Variants in PECAM1 observed in about 807,000 individuals in gnomAD.
PECAM1 encodes the protein platelet and endothelial cell adhesion molecule 1.
In PECAM1, 8 loss-of-function variants were observed where a neutral mutation model predicts 13.8. That is an observed-to-expected ratio of 0.58 (90% CI 0.34 to 1.05). The LOEUF (loss-of-function observed/expected upper bound fraction) is 1.05. PECAM1 is among the 50% of genes least tolerant of loss of function. The probability of loss-of-function intolerance (pLI) is 0.03; values close to 1 mark genes in which losing one functional copy is unlikely to be tolerated. For synonymous variants in PECAM1, 136 were observed against 52.6 expected, an observed-to-expected ratio of 2.58 and a Z score of -6.86; for missense variants, 304 against 141.2, an observed-to-expected ratio of 2.15 and a Z score of -5.84.
intron 8 of PECAM1, among the ~76,000 whole-genome samples, chr17:64,355,293 CTCTTT>C (rs1483945877): frequency 5.3e-5 from 8 of 152,124 alleles, no homozygotes; most frequent in African/African-American, 9.7e-5. Flanking sequence ...CTGGGGTAGA[CTCTTT>C]TCTTTTTCTT....
intron 12 of PECAM1, 106 bp downstream of exon 12, chr17:64,350,274 G>T (rs1161963580): frequency 1.0e-5 from 4 of 394,696 alleles, no homozygotes; most frequent in Non-Finnish European, 1.4e-5. Flanking sequence ...CATTAAGAGA[G>T]GTGGGAAATT....
At chr17:64,360,072 C>T in intron 7 of PECAM1, 68 bp downstream of exon 7, 1 of 474,950 alleles carries the variant, frequency 2.1e-6, no homozygotes, top group East Asian at 3.1e-5. Context: ...CTTATTGTTC[C>T]CACAGTCCCT....
intron 2 of PECAM1, among the ~76,000 whole-genome samples, chr17:64,382,958 T>C: frequency 6.6e-6 from 1 of 152,258 alleles, no homozygotes; most frequent in Middle Eastern, 3.4e-3. Context: ...AAGAATCACT[T>C]GAACCTGGGA....
intron 13 of PECAM1, among the ~76,000 whole-genome samples, chr17:64,347,891 C>A (rs1003366990): frequency 1.3e-5 from 2 of 151,268 alleles, no homozygotes; most frequent in East Asian, 3.9e-4. Flanking sequence ...CCACCAGAGC[C>A]GGCTAATTTT....
At chr17:64,347,784 G>T (rs1206626559) in intron 13 of PECAM1, among the ~76,000 whole-genome samples, 1 of 148,196 alleles carries the variant, frequency 6.7e-6, no homozygotes, top group Non-Finnish European at 1.5e-5. Context: ...AGGCTGGAAT[G>T]CAGTGGCGCA....
chr17:64,369,013 C>G (rs1259608997), intron 5 of PECAM1, among the ~76,000 whole-genome samples: 1 of 143,854 alleles, frequency 7.0e-6, no homozygotes, highest in African/African-American at 2.6e-5. Flanking sequence ...CTCAGCTCAC[C>G]GCAGCCTCTG....
chr17:64,368,522 T>C (rs994460822), intron 5 of PECAM1, among the ~76,000 whole-genome samples: 7 of 152,066 alleles, frequency 4.6e-5, no homozygotes, highest in African/African-American at 1.7e-4. Context: ...CTTATGCCTA[T>C]CTCCTTGAAT....
intron 4 of PECAM1, among the ~76,000 whole-genome samples, chr17:64,371,750 A>C (rs2036245008): frequency 6.6e-6 from 1 of 152,132 alleles, no homozygotes; most frequent in African/African-American, 2.4e-5. Context: ...GAATCACTTG[A>C]ACCTGGTGGG....
At chr17:64,371,596 C>A (rs2143852473) in intron 4 of PECAM1, among the ~76,000 whole-genome samples, 1 of 152,272 alleles carries the variant, frequency 6.6e-6, no homozygotes, top group East Asian at 1.9e-4. Context: ...CTTTGAGAGG[C>A]CAAGGTGGGT....
At chr17:64,386,818 T>C (rs2036603561) in intron 2 of PECAM1, among the ~76,000 whole-genome samples, 1 of 151,822 alleles carries the variant, frequency 6.6e-6, no homozygotes, top group Non-Finnish European at 1.5e-5. Context: ...GACAAAGTGA[T>C]GGTGGTGCAG....
intron 12 of PECAM1, 94 bp downstream of exon 12, chr17:64,350,286 T>A (rs2035687287): frequency 1.0e-5 from 4 of 398,258 alleles, no homozygotes; most frequent in Non-Finnish European, 1.8e-5. Context: ...TGGGAAATTA[T>A]CCACAGTCCT....
intron 7 of PECAM1, among the ~76,000 whole-genome samples, chr17:64,359,773 G>T (rs1031292573): frequency 3.4e-5 from 5 of 145,176 alleles, no homozygotes; most frequent in South Asian, 4.4e-4. Context: ...TTTTTTTTTA[G>T]ATGGAGTTTC....
At chr17:64,364,122 T>C (rs906854545) in intron 5 of PECAM1, among the ~76,000 whole-genome samples, 245 of 151,900 alleles carry the variant, frequency 1.6e-3, no homozygotes, top group African/African-American at 5.4e-3. Context: ...ATACACGCAA[T>C]AAAAAATGAT....
chr17:64,362,679 A>G (rs987190323), intron 6 of PECAM1, among the ~76,000 whole-genome samples: 8 of 147,388 alleles, frequency 5.4e-5, no homozygotes, highest in African/African-American at 1.9e-4. Context: ...AATAAATAAA[A>G]GTAATAAAAA....
intron 15 of PECAM1, among the ~76,000 whole-genome samples, chr17:64,325,294 A>G (rs930611601): frequency 1.3e-5 from 2 of 152,070 alleles, no homozygotes; most frequent in African/African-American, 4.8e-5. Flanking sequence ...AGGCTGAGGC[A>G]GGAGAATGGC....
In PECAM1 at chr17:64,390,031, G is replaced by A. The variant is rs949647073; in HGVS notation, c.91+458C>T. ...CCACTGCACTCCAGCCTGGGTAACA[G>A]AGACTCTGTCTCAAAAAAAAAAGGA... On this transcript the variant is annotated intron_variant, in intron 2 of 15. Transcript: ENST00000563924. 1.3e-5 allele frequency: 2 copies of A among 151,730 alleles called. 1 individual carries two copies. The highest frequency in any genetic ancestry group is 2.9e-5 in the Non-Finnish European group (2 of 68,434). The allele number at this position is 151,730 out of a possible 1,614,324, so 9.4% of individuals were successfully genotyped here. A position where few individuals can be genotyped will look rare whatever the true frequency, so the allele number is the denominator to read the frequency against.
Position 64,344,379 on chromosome 17 carries a change from C to T in PECAM1, c.2108-2689G>A, listed in dbSNP as rs899552595. ...TTGTCTCTGCTGTCAGGGATGTTTCCGGATGGGGCTTTATTTTGGCTTCTG... is the reference window on the plus strand; with the variant it reads ...TTGTCTCTGCTGTCAGGGATGTTTCTGGATGGGGCTTTATTTTGGCTTCTG... On this transcript the variant is annotated intron_variant, in intron 13 of 15. Transcript: ENST00000563924. Among the ~76,000 whole-genome samples, 76 of 152,162 alleles carry T rather than the reference C, an allele frequency of 5.0e-4. No individual in the cohort carries two copies. In the East Asian group the frequency reaches 0.014, roughly 27 times the overall value.
At chr17:64,388,680 T>C (rs887026176) in intron 2 of PECAM1, among the ~76,000 whole-genome samples, 29 of 152,234 alleles carry the variant, frequency 1.9e-4, no homozygotes, top group South Asian at 6.2e-4. Flanking sequence ...TTCTTTCTTT[T>C]TTTCTGAGAC....
intron 2 of PECAM1, among the ~76,000 whole-genome samples, chr17:64,382,734 T>TC (rs1301957548): frequency 1.3e-5 from 2 of 151,722 alleles, no homozygotes; most frequent in African/African-American, 2.4e-5. Flanking sequence ...TTTTTTTTTT[T>TC]CAAATAAAAA....
Sources: gnomAD v4.1 joint callset for allele counts (sites outside exome capture counted in the v4.1 genomes callset) on GRCh38, gnomAD v4.1.1 for gene constraint, MANE v1.5 for transcripts, NCBI Gene and HGNC (gene_info 2026-07-23, HGNC 2026-07-21) for gene names.